ADCY8: variants seen among roughly 807,000 people sequenced by gnomAD.
ADCY8 encodes the protein adenylate cyclase 8.
ADCY8 carries 51 observed loss-of-function variants against 119.7 expected under a neutral mutation model. That is an observed-to-expected ratio of 0.43 (90% confidence interval 0.34 to 0.54). The LOEUF (loss-of-function observed/expected upper bound fraction) is 0.54, where lower values mean the gene tolerates loss of function less well. Ranked by LOEUF, ADCY8 falls within the 20% of genes least tolerant of loss-of-function variation. ADCY8 has a pLI of 0.03. For missense variants in ADCY8, 1,383 were observed against 1,598.8 expected, an observed-to-expected ratio of 0.87 and a Z score of 2.30; for synonymous variants, 665 against 651.0, an observed-to-expected ratio of 1.02 and a Z score of -0.33.
chr8:130,984,080 A>G (rs1457262396), intron 2 of ADCY8, among the ~76,000 whole-genome samples: 1 of 148,830 alleles, frequency 6.7e-6, no homozygotes, highest in African/African-American at 2.6e-5. Flanking sequence ...TATCAGGGGT[A>G]GGGGACAGGA....
chr8:131,023,859 T>C (rs1392141757), intron 1 of ADCY8, among the ~76,000 whole-genome samples: 3 of 152,284 alleles, frequency 2.0e-5, no homozygotes, highest in South Asian at 2.1e-4. Context: ...TTGTAGGATG[T>C]TGAAGAAAAA....
Position 131,039,860 on chromosome 8 carries a change from G to A in ADCY8, c.474C>T (p.Arg158=), listed in dbSNP as rs1824308501. 1 of 1,614,118 alleles carries A rather than the reference G, an allele frequency of 6.2e-7. No individual in the cohort carries two copies. Residue 158 remains arginine (R), a synonymous_variant, in exon 1 of 18, where the codon CGC becomes CGT. Transcript: ENST00000286355. ...CCAAATCCCGAGATTTGAAGGAGTTGCGCAGGGTGGGGAAAATGACCCCTC... is the reference window on the plus strand; with the variant it reads ...CCAAATCCCGAGATTTGAAGGAGTTACGCAGGGTGGGGAAAATGACCCCTC... ...SYRGVIFPTL[R]NSFKSRDLER...
chr8:131,019,825 C>G lies in ADCY8; in HGVS notation c.960+19549G>C, dbSNP rs571775554. ...TCTCTCTCTCTCTCTCTCTCTCTCT[C>G]TCTCTCTCTCTCTGTCTGTCTCTCT... On this transcript the variant is annotated intron_variant, in intron 1 of 17. Coordinates refer to ENST00000286355, the MANE Select transcript of ADCY8 (RefSeq NM_001115.3). 1.7e-3 allele frequency among the ~76,000 whole-genome samples: 209 copies of G among 124,642 alleles called. 2 individuals are homozygous for G. Among genetic ancestry groups the G allele is most frequent in the African/African-American group, 5.8e-3 (173 of 29,602 alleles). 81.8% of individuals were successfully genotyped at this position (124,642 alleles called of 152,430 possible).
intron 1 of ADCY8, among the ~76,000 whole-genome samples, chr8:131,011,009 A>T (rs1823283624): frequency 6.6e-6 from 1 of 152,230 alleles, no homozygotes; most frequent in Non-Finnish European, 1.5e-5. Context: ...ACAAAATAGA[A>T]TATGCATCAC....
Position 130,937,096 on chromosome 8 carries a change from ACC to A in ADCY8, c.1456_1457del (p.Gly486SerfsTer19). On this transcript the variant is annotated frameshift_variant, in exon 5 of 18. Transcript: ENST00000286355. LOFTEE classifies it high-confidence loss of function. ...QDHAHCCVEMGLSMIKTIRYV... is the reference protein window; with the variant it reads ...QDHAHCCVEMXLSMIKTIRYV... ...ACCTGATGGTTTTGATCATGCTGAG[ACC>A]CATTTCAACACAGCAGTGGGCATGG... The A allele has an allele frequency of 6.2e-7, 1 of 1,613,632 alleles. No homozygotes were observed. Among genetic ancestry groups the A allele is most frequent in the Non-Finnish European group, 8.5e-7 (1 of 1,179,726 alleles).
intron 9 of ADCY8, among the ~76,000 whole-genome samples, chr8:130,857,207 A>G (rs533876121): frequency 0.018 from 2,608 of 145,148 alleles, 71 homozygotes; most frequent in African/African-American, 0.06. Flanking sequence ...TAACCTGCAC[A>G]TTGTGCACAT....
intron 2 of ADCY8, among the ~76,000 whole-genome samples, chr8:130,959,949 G>T (rs1264418624): frequency 1.3e-5 from 2 of 152,156 alleles, no homozygotes; most frequent in Non-Finnish European, 2.9e-5. Context: ...GGAGATCAGA[G>T]AAATGATCAC....
intron 1 of ADCY8, among the ~76,000 whole-genome samples, chr8:130,992,419 A>ATATATATATATATG (rs1563759141): frequency 3.1e-5 from 4 of 127,712 alleles, no homozygotes; most frequent in Admixed American, 7.6e-5. Context: ...ATATATATAT[A>ATATATATATATATG]TATATATATA....
chr8:130,826,835 TG>T (rs1456812317), intron 12 of ADCY8, among the ~76,000 whole-genome samples: 2 of 151,960 alleles, frequency 1.3e-5, no homozygotes, highest in African/African-American at 4.8e-5. Flanking sequence ...TTGTTGCTTT[TG>T]TAAGCATCTT....
chr8:130,916,961 C>T (rs1586568619), intron 5 of ADCY8, among the ~76,000 whole-genome samples: 2 of 152,204 alleles, frequency 1.3e-5, no homozygotes, highest in East Asian at 3.8e-4. Context: ...GTTAAGGTCT[C>T]CCCGACCGAG....
At position 130,947,536 on chromosome 8, in the gene ADCY8, A is replaced by G. The variant is rs912185006; in HGVS notation, c.1242-4074T>C. Among the ~76,000 whole-genome samples, 4 of 152,250 alleles carry G rather than the reference A, an allele frequency of 2.6e-5. 1 individual carries two copies. The highest frequency in any genetic ancestry group is 9.6e-5 in the African/African-American group (4 of 41,460). ...GTCATCAAGTTCTCTAGCTCCATTC[A>G]ATTGCATTTTGCTTGTTCGTGAAAC... On this transcript the variant is annotated intron_variant, in intron 3 of 17. Coordinates refer to ENST00000286355, the MANE Select transcript of ADCY8 (RefSeq NM_001115.3).
chr8:130,974,484 C>A (rs1313775781), intron 2 of ADCY8, among the ~76,000 whole-genome samples: 1 of 152,152 alleles, frequency 6.6e-6, no homozygotes, highest in Admixed American at 6.5e-5. Context: ...GGATCATACC[C>A]AGCAGGCAAA....
At chr8:130,958,789 C>T (rs888622630) in intron 2 of ADCY8, among the ~76,000 whole-genome samples, 10 of 152,124 alleles carry the variant, frequency 6.6e-5, no homozygotes, top group African/African-American at 2.2e-4. Flanking sequence ...AACAGCCAAA[C>T]CATATCACAC....
intron 1 of ADCY8, among the ~76,000 whole-genome samples, chr8:131,020,639 T>A (rs1212077590): frequency 2.6e-5 from 4 of 152,324 alleles, no homozygotes; most frequent in Middle Eastern, 6.8e-3. Context: ...TACCAATTAT[T>A]TATAACTTCA....
chr8:131,034,075 A>T (rs545816259), intron 1 of ADCY8, among the ~76,000 whole-genome samples: 17 of 152,214 alleles, frequency 1.1e-4, no homozygotes, highest in African/African-American at 4.1e-4. Flanking sequence ...GGTGCATTAA[A>T]TTGGATTCCA....
At position 130,862,916 on chromosome 8, in the gene ADCY8, C is replaced by T. The variant is rs554809085; in HGVS notation, c.2210+4930G>A. Reference sequence around the variant, plus strand: ...GGTGTATTATGGCCCAGAATGGGGTCTACCTTGGTTACTGTTCATGTGAGC... The same window carrying T: ...GGTGTATTATGGCCCAGAATGGGGTTTACCTTGGTTACTGTTCATGTGAGC... On this transcript the variant is annotated intron_variant, in intron 9 of 17. Coordinates refer to ENST00000286355, the MANE Select transcript of ADCY8 (RefSeq NM_001115.3). 2.6e-5 allele frequency among the ~76,000 whole-genome samples: 4 copies of T among 152,220 alleles called. No homozygotes were observed. In the East Asian group the frequency reaches 7.7e-4, roughly 29 times the overall value.
rs767977356 is a variant in ADCY8 at position 130,943,438 on chromosome 8, T to G, written c.1266A>C (p.Gly422=). The change falls in exon 4 of 18, where the codon GGA becomes GGC. Residue 422 remains glycine (G), a synonymous_variant. Coordinates refer to ENST00000286355, the MANE Select transcript of ADCY8 (RefSeq NM_001115.3). ...NVSILFADVK[G]FTNLSTTLSA... is the part of the protein sequence containing the mutation. The stretch of plus-strand genomic sequence containing the variant: ...ACAAGGTCGTGGAGAGGTTGGTAAA[T>G]CCTTTAACATCTGCAAAAAGAATAC... 7 of 1,498,966 alleles carry G rather than the reference T, an allele frequency of 4.7e-6. No homozygotes were observed. The highest frequency in any genetic ancestry group is 6.3e-6 in the Non-Finnish European group (7 of 1,113,728). 92.9% of individuals were successfully genotyped at this position (1,498,966 alleles called of 1,614,324 possible). A position where few individuals can be genotyped will look rare whatever the true frequency, so the allele number is the denominator to read the frequency against.
chr8:130,998,661 G>C (rs1488531112), intron 1 of ADCY8, among the ~76,000 whole-genome samples: 3 of 152,186 alleles, frequency 2.0e-5, no homozygotes, highest in African/African-American at 7.2e-5. Flanking sequence ...AGGACAGTCA[G>C]GGAGACAAGT....
intron 5 of ADCY8, among the ~76,000 whole-genome samples, chr8:130,922,596 C>A (rs1472575308): frequency 6.6e-6 from 1 of 151,962 alleles, no homozygotes; most frequent in Non-Finnish European, 1.5e-5. Context: ...TGAAAAGTCT[C>A]CCATGTCTAC....
Sources: gnomAD v4.1 joint callset for allele counts (sites outside exome capture counted in the v4.1 genomes callset) on GRCh38, gnomAD v4.1.1 for gene constraint, MANE v1.5 for transcripts, NCBI Gene and HGNC (gene_info 2026-07-23, HGNC 2026-07-21) for gene names.